ZEB2: variants seen among roughly 807,000 people sequenced by gnomAD.
The protein encoded by ZEB2 is zinc finger E-box-binding homeobox 2.
Under a neutral mutation model 99.9 loss-of-function variants are expected in ZEB2, and 6 were observed. The observed-to-expected ratio is 0.06, with a 90% confidence interval of 0.03 to 0.12. The LOEUF is 0.12. ZEB2 is among the 10% of genes least tolerant of loss of function. ZEB2 has a pLI of 1.00. For synonymous variants in ZEB2, 517 were observed against 542.5 expected (o/e 0.95, Z 0.65); for missense variants, 969 against 1,502.8 (o/e 0.64, Z 5.87).
chr2:144,517,403 C>CA lies in ZEB2; in HGVS notation c.-54dup. 6.2e-7 allele frequency: 1 copy of CA among 1,602,148 alleles called. No individual in the cohort carries two copies. The highest frequency in any genetic ancestry group is 1.3e-5 in the African/African-American group (1 of 74,776). ...GCATGGACTCGGCGCCCTGCTTCGG[C>CA]AGCACGCAGGCTCGATCTAGCAACC... is the stretch of plus-strand genomic sequence containing the variant. On this transcript the variant is annotated 5_prime_UTR_variant, in exon 2 of 10. The change abolishes the stop of an existing upstream ORF in the 5' untranslated region. Coordinates refer to ENST00000627532, the MANE Select transcript of ZEB2 (RefSeq NM_014795.4).
At chr2:144,420,659 G>A (rs1703607885) in intron 4 of ZEB2, among the ~76,000 whole-genome samples, 1 of 152,152 alleles carries the variant, frequency 6.6e-6, no homozygotes, top group Non-Finnish European at 1.5e-5. Context: ...CGTTTGGGGT[G>A]TTCAGAGATG....
At chr2:144,468,034 C>T (rs1054533695) in intron 2 of ZEB2, among the ~76,000 whole-genome samples, 3 of 151,866 alleles carry the variant, frequency 2.0e-5, no homozygotes, top group African/African-American at 4.8e-5. Context: ...GTGATTGTAT[C>T]GGTAATAGAG....
rs753802772 is a variant in ZEB2, at chr2:144,387,663, G to T, written c.*1788C>A. 6.6e-6 allele frequency: 1 copy of T among 151,660 alleles called. No individual in the cohort carries two copies. The highest frequency in any genetic ancestry group is 2.4e-5 in the African/African-American group (1 of 41,320). The allele number at this position is 151,660 out of a possible 1,614,324, so 9.4% of individuals were successfully genotyped here. ...TCTTTTTGAAATTAGACTTTTTTTT[G>T]AATAAATCACAAAGACCCCTTGGAC... On this transcript the variant is annotated 3_prime_UTR_variant, in exon 10 of 10. Coordinates refer to ENST00000627532, the MANE Select transcript of ZEB2 (RefSeq NM_014795.4).
intron 2 of ZEB2, among the ~76,000 whole-genome samples, chr2:144,488,865 T>G (rs1284457163): frequency 6.6e-6 from 1 of 152,190 alleles, no homozygotes; most frequent in Non-Finnish European, 1.5e-5. Flanking sequence ...TTTTAACATA[T>G]AGTTTATTTG....
intron 1 of ZEB2, chr2:144,517,674 C>T (rs1303307148): frequency 1.3e-5 from 9 of 701,274 alleles, no homozygotes; most frequent in Non-Finnish European, 2.3e-5. Context: ...CAAAATGAGT[C>T]ATAACTCCTG....
At chr2:144,507,178 G>C (rs966095422) in intron 2 of ZEB2, among the ~76,000 whole-genome samples, 2 of 152,162 alleles carry the variant, frequency 1.3e-5, no homozygotes, top group Non-Finnish European at 2.9e-5. Context: ...TTCAACTGTA[G>C]AATTAGACCT....
At chr2:144,460,669 ACTT>A (rs1196000228) in intron 2 of ZEB2, among the ~76,000 whole-genome samples, 1 of 152,164 alleles carries the variant, frequency 6.6e-6, no homozygotes, top group African/African-American at 2.4e-5. Flanking sequence ...TGCTGGTTAT[ACTT>A]CTTAACTGTA....
chr2:144,515,317 C>A (rs143106820), intron 2 of ZEB2, among the ~76,000 whole-genome samples: 7 of 152,064 alleles, frequency 4.6e-5, no homozygotes, highest in Admixed American at 2.0e-4. Context: ...GGGAAAAAAG[C>A]CCCACAACAG....
intron 2 of ZEB2, among the ~76,000 whole-genome samples, chr2:144,505,611 G>T (rs1704942484): frequency 1.3e-5 from 2 of 152,168 alleles, no homozygotes; most frequent in Non-Finnish European, 2.9e-5. Context: ...TAGGAGGTGG[G>T]CTGGGAGTGG....
intron 2 of ZEB2, among the ~76,000 whole-genome samples, chr2:144,453,845 G>A (rs1704085587): frequency 6.6e-6 from 1 of 152,192 alleles, no homozygotes; most frequent in South Asian, 2.1e-4. Flanking sequence ...TAGCTAATGA[G>A]AGAGAGGTCC....
At chr2:144,442,871 A>G (rs1396215210) in intron 2 of ZEB2, among the ~76,000 whole-genome samples, 2 of 152,168 alleles carry the variant, frequency 1.3e-5, no homozygotes, top group Admixed American at 6.5e-5. Context: ...GTGGCACAGA[A>G]AGCATTTTGG....
At chr2:144,485,593 T>C (rs1235049791) in intron 2 of ZEB2, among the ~76,000 whole-genome samples, 1 of 152,154 alleles carries the variant, frequency 6.6e-6, no homozygotes, top group Non-Finnish European at 1.5e-5. Flanking sequence ...AGCCATCTAA[T>C]GCTGCCTTCT....
chr2:144,511,411 C>T (rs1705036469), intron 2 of ZEB2: 1 of 1,223,306 alleles, frequency 8.2e-7, no homozygotes, highest in African/African-American at 1.6e-5. Context: ...CCTTTATTTA[C>T]TTTGTAACTA....
chr2:144,493,789 T>C (rs1042509904), intron 2 of ZEB2, among the ~76,000 whole-genome samples: 2 of 152,146 alleles, frequency 1.3e-5, no homozygotes, highest in African/African-American at 4.8e-5. Flanking sequence ...CCCATTCACC[T>C]CTCTTATGGC....
chr2:144,450,043 T>A (rs755206893), intron 2 of ZEB2: 3 of 152,192 alleles, frequency 2.0e-5, no homozygotes, highest in Admixed American at 2.0e-4. Flanking sequence ...TTAATTCCAG[T>A]GGTAGGTATA....
At chr2:144,480,068 C>A (rs533338768) in intron 2 of ZEB2, among the ~76,000 whole-genome samples, 1 of 152,260 alleles carries the variant, frequency 6.6e-6, no homozygotes, top group Non-Finnish European at 1.5e-5. Flanking sequence ...ATAAAATACA[C>A]TCTGAATGAG....
rs948468404 is a variant in ZEB2, at chr2:144,387,818, A to C, written c.*1633T>G. The C allele has an allele frequency of 1.3e-5, 2 of 152,218 alleles. No homozygotes were observed. The highest frequency in any genetic ancestry group is 4.8e-5 in the African/African-American group (2 of 41,464). 9.4% of individuals were successfully genotyped at this position (152,218 alleles called of 1,614,324 possible). A position where few individuals can be genotyped will look rare whatever the true frequency, so the allele number is the denominator to read the frequency against. On this transcript the variant is annotated 3_prime_UTR_variant, in exon 10 of 10. Transcript: ENST00000627532. ...AAATACACAATCTGGAATCAGGATC[A>C]GTTGAGAAAAGCTGTAAAATTGCTG... is the stretch of plus-strand genomic sequence containing the variant.
intron 2 of ZEB2, among the ~76,000 whole-genome samples, chr2:144,447,206 G>A (rs1275993304): frequency 2.6e-5 from 4 of 152,020 alleles, no homozygotes; most frequent in Admixed American, 1.3e-4. Context: ...GTACTTGGTC[G>A]GTAATAGCCT....
intron 2 of ZEB2, among the ~76,000 whole-genome samples, chr2:144,476,403 G>A (rs1704430530): frequency 6.6e-6 from 1 of 152,122 alleles, no homozygotes; most frequent in Non-Finnish European, 1.5e-5. Context: ...TTGAAGCTCA[G>A]CACACCTACT....
Sources: gnomAD v4.1 joint callset for allele counts (sites outside exome capture counted in the v4.1 genomes callset) on GRCh38, gnomAD v4.1.1 for gene constraint, MANE v1.5 for transcripts, NCBI Gene and HGNC (gene_info 2026-07-23, HGNC 2026-07-21) for gene names.